Variants in UACA observed in about 807,000 individuals in gnomAD.
UACA encodes nuclear membrane binding protein.
A neutral mutation model predicts 160.5 loss-of-function variants in UACA; 112 were observed. That is an observed-to-expected ratio of 0.70 (90% CI 0.60 to 0.82). The LOEUF (loss-of-function observed/expected upper bound fraction) is 0.82, where lower values mean the gene tolerates loss of function less well. UACA is among the 40% of genes least tolerant of loss of function. The pLI, the probability that UACA is intolerant of heterozygous loss-of-function variation, is 0.00. For synonymous variants in UACA, 557 were observed against 568.4 expected, an observed-to-expected ratio of 0.98 and a Z score of 0.29; for missense variants, 1,574 against 1,614.6, an observed-to-expected ratio of 0.97 and a Z score of 0.43.
At chr15:70,744,487 T>G (rs1189707979) in intron 1 of UACA, among the ~76,000 whole-genome samples, 1 of 152,140 alleles carries the variant, frequency 6.6e-6, no homozygotes, top group Admixed American at 6.5e-5. Context: ...TATAAACTTA[T>G]TAGCCTTCAG....
rs745645569 is a variant in UACA, at chr15:70,687,797, T to C, written c.448A>G (p.Ile150Val). The change falls in exon 6 of 19, where the codon ATA (isoleucine) becomes GTA (valine). Residue 150 changes from isoleucine to valine, a missense_variant. By Grantham distance (29) the Ile-to-Val change is conservative. Transcript: ENST00000322954. ...GCCCCATGGTCACAAAGCAGCTGTA[T>C]GCTAGAAGGACAATCTGCCATTGCT... ...DAAMADCPSSIQLLCDHGASV... is the reference protein window; with the variant it reads ...DAAMADCPSSVQLLCDHGASV... The C allele has an allele frequency of 1.2e-6, 2 of 1,613,796 alleles. No homozygotes were observed. The highest frequency in any genetic ancestry group is 1.7e-6 in the Non-Finnish European group (2 of 1,179,776).
chr15:70,682,558 A>G (rs1897548748), intron 9 of UACA, among the ~76,000 whole-genome samples, 200 bp downstream of exon 9: 1 of 152,122 alleles, frequency 6.6e-6, no homozygotes, highest in South Asian at 2.1e-4. Context: ...ACTGAGATCT[A>G]ATGTGTCTCA....
chr15:70,741,758 T>C (rs1015943948), intron 1 of UACA, among the ~76,000 whole-genome samples: 27 of 152,186 alleles, frequency 1.8e-4, no homozygotes, highest in African/African-American at 6.5e-4. Flanking sequence ...GACTACAGAA[T>C]AGGGTTTCAT....
At chr15:70,751,257 G>C (rs1284273329) in intron 1 of UACA, among the ~76,000 whole-genome samples, 1 of 152,104 alleles carries the variant, frequency 6.6e-6, no homozygotes, top group Non-Finnish European at 1.5e-5. Context: ...CTTAGCCCAA[G>C]TGCTCAATAA....
intron 1 of UACA, among the ~76,000 whole-genome samples, chr15:70,709,430 A>C (rs1002643881): frequency 6.6e-6 from 1 of 152,246 alleles, no homozygotes; most frequent in Non-Finnish European, 1.5e-5. Flanking sequence ...CATAAAAGAA[A>C]TCACAAGTTT....
At chr15:70,765,690 A>G (rs1404498466), upstream of UACA, among the ~76,000 whole-genome samples, 2 of 152,220 alleles carry the variant, frequency 1.3e-5, no homozygotes, top group South Asian at 4.1e-4. Context: ...ATTGACTACT[A>G]TAGCAAATTA....
At chr15:70,771,157 G>A in the UACA span, among the ~76,000 whole-genome samples, 1 of 152,190 alleles carries the variant, frequency 6.6e-6, no homozygotes, top group Non-Finnish European at 1.5e-5. Flanking sequence ...AGAAATTGAG[G>A]CAACTTGTGA....
chr15:70,767,101 G>A (rs1187163272), upstream of UACA, among the ~76,000 whole-genome samples: 3 of 151,716 alleles, frequency 2.0e-5, no homozygotes, highest in Non-Finnish European at 4.4e-5. Context: ...TTAGCCAGGC[G>A]TGGTGGCAGG....
intron 1 of UACA, among the ~76,000 whole-genome samples, chr15:70,738,745 C>A (rs1899443049): frequency 6.6e-6 from 1 of 152,174 alleles, no homozygotes; most frequent in East Asian, 1.9e-4. Flanking sequence ...AAAAAGTATT[C>A]TATGTCTATT....
At chr15:70,717,681 T>C (rs967623288) in intron 1 of UACA, among the ~76,000 whole-genome samples, 2 of 152,214 alleles carry the variant, frequency 1.3e-5, no homozygotes, top group Non-Finnish European at 1.5e-5. Flanking sequence ...ACTCATATTT[T>C]ACTATCTGCA....
In UACA at chr15:70,657,131, C is replaced by G; in HGVS notation, c.4180-4G>C. ...GAACATCTTCATCCATGTGACCCTT[C>G]GGAGAAAGAAGAAAGAGGAGCATTA... is the stretch of plus-strand genomic sequence containing the variant. On this transcript the variant is annotated splice_region_variant and splice_polypyrimidine_tract_variant and intron_variant, in intron 18 of 18. Coordinates refer to ENST00000322954, the MANE Select transcript of UACA (RefSeq NM_018003.4). 1 of 1,613,192 alleles carries G rather than the reference C, an allele frequency of 6.2e-7. No individual in the cohort carries two copies. Among genetic ancestry groups the G allele is most frequent in the African/African-American group, 1.3e-5 (1 of 74,994 alleles).
At chr15:70,740,102 ATT>A (rs1391998007) in intron 1 of UACA, among the ~76,000 whole-genome samples, 1 of 152,224 alleles carries the variant, frequency 6.6e-6, no homozygotes, top group African/African-American at 2.4e-5. Context: ...ACCAAGAAAT[ATT>A]TGTTAATCTA....
chr15:70,764,728 C>T (rs535928927), upstream of UACA, among the ~76,000 whole-genome samples: 61 of 152,218 alleles, frequency 4.0e-4, no homozygotes, highest in African/African-American at 1.4e-3. Context: ...AACTAACTAC[C>T]CAAAAATATT....
chr15:70,716,905 T>G (rs1898837140), intron 1 of UACA, among the ~76,000 whole-genome samples: 1 of 152,214 alleles, frequency 6.6e-6, no homozygotes, highest in Admixed American at 6.5e-5. Flanking sequence ...TAATAATTTT[T>G]ATTAATAAAT....
Position 70,667,383 on chromosome 15 carries a change from G to T in UACA, c.3301C>A (p.Leu1101Ile). 2 of 1,612,612 alleles carry T rather than the reference G, an allele frequency of 1.2e-6. No homozygotes were observed. The highest frequency in any genetic ancestry group is 1.7e-6 in the Non-Finnish European group (2 of 1,179,934). Residue 1101 changes from leucine to isoleucine, a missense_variant, in exon 16 of 19, where the codon CTT (leucine) becomes ATT (isoleucine). Leu to Ile is a conservative substitution (Grantham distance 5). Transcript: ENST00000322954. ...EENAKQTSEI[L>I]AVQNLLQKQH... is the part of the protein sequence containing the mutation. ...TTTTGCAAAAGATTTTGCACTGCAA[G>T]TATCTCAGAAGTCTGTTTGGCATTT...
intron 1 of UACA, among the ~76,000 whole-genome samples, chr15:70,745,393 C>T (rs924506793): frequency 5.4e-5 from 8 of 149,090 alleles, no homozygotes; most frequent in Non-Finnish European, 1.2e-4. Flanking sequence ...CGAGATCGTG[C>T]GTGCCACTGC....
intron 1 of UACA, among the ~76,000 whole-genome samples, chr15:70,740,858 G>C (rs1425943394): frequency 6.6e-6 from 1 of 151,554 alleles, no homozygotes; most frequent in East Asian, 2.0e-4. Flanking sequence ...GGCCAACATG[G>C]TGAAACCCCG....
intron 18 of UACA, among the ~76,000 whole-genome samples, chr15:70,658,578 A>C (rs1896565601): frequency 6.6e-6 from 1 of 152,166 alleles, no homozygotes; most frequent in Non-Finnish European, 1.5e-5. Flanking sequence ...TGATGAAACC[A>C]AGTATCTTTT....
In UACA at chr15:70,699,666, A is replaced by G. The variant is rs1424400; in HGVS notation, c.79-6T>C. On this transcript the variant is annotated splice_polypyrimidine_tract_variant and splice_region_variant and intron_variant, in intron 1 of 18. Coordinates refer to ENST00000322954, the MANE Select transcript of UACA (RefSeq NM_018003.4). ...TTATTCCAATCTGCTGCATGCTACA[A>G]AAAGGAAAAAAAAAAGTAAATATGG... 0.059 allele frequency: 94,767 copies of G among 1,608,644 alleles called. 5,797 individuals are homozygous for G. Among genetic ancestry groups the G allele is most frequent in the African/African-American group, 0.32 (23,634 of 73,816 alleles).
Sources: allele counts gnomAD v4.1 joint callset (sites outside exome capture counted in the v4.1 genomes callset), GRCh38; gene constraint gnomAD v4.1.1; transcripts MANE v1.5; gene names NCBI Gene and HGNC (gene_info 2026-07-23, HGNC 2026-07-21).